The following SLC39A11 variants were observed in gnomAD, a reference collection of about 807,000 sequenced individuals.
SLC39A11 encodes the protein solute carrier family 39 member 11, also known as zinc transporter ZIP11.
SLC39A11 carries 33 observed loss-of-function variants against 36.1 expected under a neutral mutation model. That is an observed-to-expected ratio of 0.91 (90% confidence interval 0.69 to 1.22). The LOEUF is 1.22. SLC39A11 is among the 50% of genes most tolerant of loss of function. The probability of loss-of-function intolerance (pLI) is 0.00; values close to 1 mark genes in which losing one functional copy is unlikely to be tolerated. For missense variants in SLC39A11, 432 were observed against 430.3 expected, an observed-to-expected ratio of 1.00 and a Z score of -0.03; for synonymous variants, 166 against 170.3, an observed-to-expected ratio of 0.97 and a Z score of 0.20.
intron 5 of SLC39A11, among the ~76,000 whole-genome samples, chr17:72,882,405 A>G (rs1382321750): frequency 6.6e-6 from 1 of 151,794 alleles, no homozygotes; most frequent in Non-Finnish European, 1.5e-5. Context: ...TCTTTAGGAG[A>G]CACACCACAC....
intron 6 of SLC39A11, among the ~76,000 whole-genome samples, chr17:72,781,522 C>G (rs1201146361): frequency 1.3e-5 from 2 of 151,874 alleles, no homozygotes; most frequent in Admixed American, 1.3e-4. Flanking sequence ...CTCCTGGGTT[C>G]ACACCATTCT....
At chr17:72,684,953 C>A (rs551466530) in intron 7 of SLC39A11, among the ~76,000 whole-genome samples, 1 of 152,200 alleles carries the variant, frequency 6.6e-6, no homozygotes, top group Non-Finnish European at 1.5e-5. Context: ...GGCAATCATC[C>A]TGCAGAACTT....
intron 4 of SLC39A11, among the ~76,000 whole-genome samples, chr17:72,994,193 T>C (rs1432884090): frequency 1.3e-5 from 2 of 152,066 alleles, no homozygotes; most frequent in South Asian, 2.1e-4. Flanking sequence ...CCACCAACAA[T>C]AGGATGAATA....
At chr17:72,700,010 C>T (rs2072531457) in intron 7 of SLC39A11, among the ~76,000 whole-genome samples, 1 of 152,138 alleles carries the variant, frequency 6.6e-6, no homozygotes, top group African/African-American at 2.4e-5. Flanking sequence ...TGGTACCTGA[C>T]TTATGGCAAG....
intron 4 of SLC39A11, among the ~76,000 whole-genome samples, chr17:72,989,299 TCCTGA>T (rs955256750): frequency 6.6e-6 from 1 of 152,256 alleles, no homozygotes. Context: ...CACAGAGTTC[TCCTGA>T]CTCTAGAATC....
At chr17:72,991,064 G>A (rs911661738) in intron 4 of SLC39A11, among the ~76,000 whole-genome samples, 4 of 152,122 alleles carry the variant, frequency 2.6e-5, no homozygotes, top group Admixed American at 1.3e-4. Flanking sequence ...ACGTACCAAC[G>A]ATCTAGATTT....
chr17:72,715,159 C>T (rs771473059), intron 7 of SLC39A11, among the ~76,000 whole-genome samples: 3 of 152,270 alleles, frequency 2.0e-5, no homozygotes, highest in Middle Eastern at 3.4e-3. Flanking sequence ...CCCGGGAGCC[C>T]GCGAGAGGCT....
chr17:72,815,547 G>A (rs574704494), intron 6 of SLC39A11, among the ~76,000 whole-genome samples: 30 of 151,898 alleles, frequency 2.0e-4, no homozygotes, highest in South Asian at 4.2e-4. Context: ...AACCCAGGAG[G>A]TGGAGGTTGC....
rs368840077 is a variant in SLC39A11, at chr17:72,963,466, G to A, written c.307-15591C>T. 8.6e-4 allele frequency among the ~76,000 whole-genome samples: 131 copies of A among 152,166 alleles called. 3 individuals carry two copies. The highest frequency in any genetic ancestry group is 2.9e-3 in the African/African-American group (121 of 41,520). On this transcript the variant is annotated intron_variant, in intron 4 of 9. Coordinates refer to ENST00000255559, the MANE Select transcript of SLC39A11 (RefSeq NM_139177.4). ...ATTACAGGCGTGAGCCACCGCGCCC[G>A]GCCACTGTGGGGTATAATTCTTAAG... is the stretch of plus-strand genomic sequence containing the variant.
In SLC39A11 at chr17:72,647,497, T is replaced by A; in HGVS notation, c.*87A>T. Reference sequence around the variant, plus strand: ...AAGAGAGGAAGGAAAAAAGTTTTAATGTGAAGAAAGAAGCTTGTTGTCCCA... The same window carrying A: ...AAGAGAGGAAGGAAAAAAGTTTTAAAGTGAAGAAAGAAGCTTGTTGTCCCA... On this transcript the variant is annotated 3_prime_UTR_variant, in exon 10 of 10. Coordinates refer to ENST00000255559, the MANE Select transcript of SLC39A11 (RefSeq NM_139177.4). 3.7e-6 allele frequency: 4 copies of A among 1,090,544 alleles called. No homozygotes were observed. In the South Asian group the frequency reaches 5.9e-5, roughly 16 times the overall value. 67.6% of individuals were successfully genotyped at this position (1,090,544 alleles called of 1,614,324 possible).
intron 4 of SLC39A11, among the ~76,000 whole-genome samples, chr17:72,954,516 G>T (rs556842141): frequency 6.6e-6 from 1 of 152,154 alleles, no homozygotes; most frequent in Non-Finnish European, 1.5e-5. Context: ...CCTGCCTGGG[G>T]CCCAGCATAG....
chr17:72,943,651 TA>T (rs2085256213), intron 5 of SLC39A11, among the ~76,000 whole-genome samples: 1 of 152,140 alleles, frequency 6.6e-6, no homozygotes, highest in Admixed American at 6.5e-5. Flanking sequence ...TCTCCTAAAG[TA>T]AATCCACCTC....
chr17:72,975,564 A>G (rs1472086358), intron 4 of SLC39A11, among the ~76,000 whole-genome samples: 1 of 152,250 alleles, frequency 6.6e-6, no homozygotes, highest in East Asian at 1.9e-4. Flanking sequence ...TGAGCTTTTC[A>G]CAGACACAAA....
intron 5 of SLC39A11, among the ~76,000 whole-genome samples, chr17:72,901,858 T>C (rs921608796): frequency 6.6e-6 from 1 of 152,116 alleles, no homozygotes; most frequent in African/African-American, 2.4e-5. Context: ...CATGGGGCCC[T>C]GAGATAAAGA....
chr17:72,815,010 A>T (rs749384879), intron 6 of SLC39A11, among the ~76,000 whole-genome samples: 3 of 152,174 alleles, frequency 2.0e-5, no homozygotes, highest in Non-Finnish European at 4.4e-5. Context: ...AGGGGGTAAA[A>T]AACTAAGGAA....
intron 7 of SLC39A11, among the ~76,000 whole-genome samples, chr17:72,720,230 G>A (rs769469872): frequency 1.8e-4 from 27 of 152,212 alleles, no homozygotes; most frequent in Admixed American, 1.5e-3. Flanking sequence ...TCATGAGCAT[G>A]CACAGTCCAT....
At chr17:72,883,160 T>C (rs2081289873) in intron 5 of SLC39A11, among the ~76,000 whole-genome samples, 1 of 152,188 alleles carries the variant, frequency 6.6e-6, no homozygotes, top group South Asian at 2.1e-4. Flanking sequence ...CCTTAAGGCA[T>C]ACTGGCCTAA....
Position 72,976,170 on chromosome 17 carries a change from A to T in SLC39A11, c.307-28295T>A, listed in dbSNP as rs1265689234. 3.0e-4 allele frequency among the ~76,000 whole-genome samples: 3 copies of T among 9,946 alleles called. No homozygotes were observed. The Admixed American group carries it at 9.7e-3, about 32-fold the overall frequency. 6.5% of individuals were successfully genotyped at this position (9,946 alleles called of 152,430 possible). ...GAGCGACAGAGCGCGACTCCATCTC[A>T]AAAAAAAAAAAAAAAAAAAAAAGGC... On this transcript the variant is annotated intron_variant, in intron 4 of 9. Coordinates refer to ENST00000255559, the MANE Select transcript of SLC39A11 (RefSeq NM_139177.4).
chr17:72,950,084 A>G (rs2085758412), intron 4 of SLC39A11, among the ~76,000 whole-genome samples: 1 of 152,082 alleles, frequency 6.6e-6, no homozygotes, highest in African/African-American at 2.4e-5. Flanking sequence ...TCTGCTTCCA[A>G]CCAAATGTTG....
Sources: gnomAD v4.1 joint callset for allele counts (sites outside exome capture counted in the v4.1 genomes callset) on GRCh38, gnomAD v4.1.1 for gene constraint, MANE v1.5 for transcripts, NCBI Gene and HGNC (gene_info 2026-07-23, HGNC 2026-07-21) for gene names.